SLC7A14: variants seen among roughly 807,000 people sequenced by gnomAD.
SLC7A14 encodes the protein gamma-aminobutyric acid transporter SLC7A14.
In SLC7A14, 37 loss-of-function variants were observed where a neutral mutation model predicts 60.2. That is an observed-to-expected ratio of 0.61 (90% confidence interval 0.47 to 0.81). The LOEUF is 0.81. SLC7A14 is among the 30% of genes least tolerant of loss of function. SLC7A14 has a pLI of 0.00. For missense variants in SLC7A14, 886 were observed against 982.7 expected, an observed-to-expected ratio of 0.90 and a Z score of 1.32; for synonymous variants, 399 against 395.8, an observed-to-expected ratio of 1.01 and a Z score of -0.10.
At position 170,532,142 on chromosome 3, in the gene SLC7A14, A is replaced by G. The variant is rs1447619289; in HGVS notation, c.-152-5054T>C. Among the ~76,000 whole-genome samples the G allele has an allele frequency of 1.3e-5, 2 of 152,316 alleles. No individual in the cohort carries two copies. The highest frequency in any genetic ancestry group is 6.5e-5 in the Admixed American group (1 of 15,302). ...GTAGTTGTCCAGCTTTTTCTGGAAC[A>G]TCTGGGCCGCAGGGAACATTGGCTG... is the stretch of plus-strand genomic sequence containing the variant. On this transcript the variant is annotated intron_variant, in intron 1 of 7. Coordinates refer to ENST00000231706, the MANE Select transcript of SLC7A14 (RefSeq NM_020949.3). The surrounding 1 kb of genome is among the most constrained non-coding windows in gnomAD (Gnocchi z 4.0).
intron 1 of SLC7A14, among the ~76,000 whole-genome samples, chr3:170,579,314 G>A (rs1277635381): frequency 3.9e-5 from 6 of 152,162 alleles, no homozygotes; most frequent in Admixed American, 2.0e-4. Context: ...ATAATATGTT[G>A]TATAATCTCT....
chr3:170,485,012 G>A (rs371083171), intron 5 of SLC7A14, among the ~76,000 whole-genome samples: 1 of 152,044 alleles, frequency 6.6e-6, no homozygotes, highest in Non-Finnish European at 1.5e-5. Flanking sequence ...TGTGTGATAA[G>A]GGCCCACTCC....
At chr3:170,486,168 G>T in intron 5 of SLC7A14, 54 bp downstream of exon 5, 1 of 1,600,360 alleles carries the variant, frequency 6.2e-7, no homozygotes, top group Non-Finnish European at 8.5e-7. Context: ...AGAGAAGGGA[G>T]CTCAGTGCCA....
chr3:170,578,351 T>A (rs1043996990), intron 1 of SLC7A14, among the ~76,000 whole-genome samples: 5 of 152,142 alleles, frequency 3.3e-5, no homozygotes, highest in Admixed American at 1.3e-4. Flanking sequence ...AGGACTGAAG[T>A]TCTATTCACC....
chr3:170,466,969 G>A lies in SLC7A14; in HGVS notation c.*86C>T. The A allele has an allele frequency of 8.5e-7, 1 of 1,173,460 alleles. No homozygotes were observed. Among genetic ancestry groups the A allele is most frequent in the Non-Finnish European group, 1.2e-6 (1 of 831,160 alleles). The allele number at this position is 1,173,460 out of a possible 1,614,324, so 72.7% of individuals were successfully genotyped here. A position where few individuals can be genotyped will look rare whatever the true frequency, so the allele number is the denominator to read the frequency against. ...GGGGAAGGCTGGATTTGTGAAATGA[G>A]AGCCAAAAAAGTTTTCACCTTCTAG... On this transcript the variant is annotated 3_prime_UTR_variant, in exon 8 of 8. Transcript: ENST00000231706.
chr3:170,569,361 C>T (rs1337096190), intron 1 of SLC7A14, among the ~76,000 whole-genome samples: 1 of 152,082 alleles, frequency 6.6e-6, no homozygotes, highest in Non-Finnish European at 1.5e-5. Context: ...GGGATGAAGC[C>T]CACATGATCA....
chr3:170,485,013 G>A (rs1711976931), intron 5 of SLC7A14, among the ~76,000 whole-genome samples: 1 of 152,052 alleles, frequency 6.6e-6, no homozygotes, highest in African/African-American at 2.4e-5. Flanking sequence ...GTGTGATAAG[G>A]GCCCACTCCT....
chr3:170,467,809 A>T (rs1307888324), intron 7 of SLC7A14, among the ~76,000 whole-genome samples: 1 of 152,202 alleles, frequency 6.6e-6, no homozygotes, highest in Non-Finnish European at 1.5e-5. Context: ...TGAACTATTT[A>T]TGGATCAGCA....
intron 1 of SLC7A14, among the ~76,000 whole-genome samples, chr3:170,571,371 A>G (rs1714950868): frequency 1.3e-5 from 2 of 152,052 alleles, no homozygotes; most frequent in South Asian, 4.2e-4. Flanking sequence ...TTCACAAACC[A>G]CTCACAGGAG....
intron 7 of SLC7A14, among the ~76,000 whole-genome samples, chr3:170,469,412 G>C (rs960687870): frequency 1.1e-4 from 16 of 152,074 alleles, no homozygotes; most frequent in African/African-American, 3.9e-4. Context: ...ATAAATCCTA[G>C]AGTTAATTAT....
At chr3:170,516,150 G>A (rs1379922863) in intron 2 of SLC7A14, among the ~76,000 whole-genome samples, 2 of 152,310 alleles carry the variant, frequency 1.3e-5, no homozygotes, top group East Asian at 3.9e-4. Flanking sequence ...ATTAAAATGT[G>A]CTCACCTTCT....
chr3:170,553,240 G>A (rs1158628738), intron 1 of SLC7A14, among the ~76,000 whole-genome samples: 2 of 152,152 alleles, frequency 1.3e-5, no homozygotes. Flanking sequence ...TATCATTAAG[G>A]TCAGTAAATT....
Position 170,460,035 on chromosome 3 carries a change from A to G in SLC7A14, c.*7020T>C, listed in dbSNP as rs547753947. Reference sequence around the variant, plus strand: ...GAAAATAAAACACATTTCATAATACATCTGCATATTATTTCTTTCTTCATG... The same window carrying G: ...GAAAATAAAACACATTTCATAATACGTCTGCATATTATTTCTTTCTTCATG... On this transcript the variant is annotated 3_prime_UTR_variant, in exon 8 of 8. Coordinates refer to ENST00000231706, the MANE Select transcript of SLC7A14 (RefSeq NM_020949.3). 6.6e-6 allele frequency: 1 copy of G among 152,362 alleles called. No homozygotes were observed. The highest frequency in any genetic ancestry group is 1.9e-4 in the East Asian group (1 of 5,194). 9.4% of individuals were successfully genotyped at this position (152,362 alleles called of 1,614,324 possible).
In SLC7A14 at chr3:170,585,874, G is replaced by C. The variant is rs1715372573; in HGVS notation, c.-153+37C>G. 2 of 152,486 alleles carry C rather than the reference G, an allele frequency of 1.3e-5. No individual in the cohort carries two copies. The allele number at this position is 152,486 out of a possible 1,614,324, so 9.4% of individuals were successfully genotyped here. ...CCCGCTGGGGCGCGGGGGGCGCGGAGGGGGACAAACGGCAGCGAAGGGGGC... is the reference window on the plus strand; with the variant it reads ...CCCGCTGGGGCGCGGGGGGCGCGGACGGGGACAAACGGCAGCGAAGGGGGC... On this transcript the variant is annotated intron_variant, in intron 1 of 7. Coordinates refer to ENST00000231706, the MANE Select transcript of SLC7A14 (RefSeq NM_020949.3). This position sits in a 1 kb window ranked among gnomAD's most constrained non-coding sequence, Gnocchi z 5.1.
chr3:170,584,685 A>G (rs546080487), intron 1 of SLC7A14, among the ~76,000 whole-genome samples: 8 of 152,270 alleles, frequency 5.3e-5, no homozygotes, highest in Admixed American at 1.3e-4. Flanking sequence ...TGGCGGTATT[A>G]GCACCCAGCC....
intron 1 of SLC7A14, among the ~76,000 whole-genome samples, chr3:170,561,501 T>C (rs981351175): frequency 6.6e-6 from 1 of 152,222 alleles, no homozygotes; most frequent in Non-Finnish European, 1.5e-5. Context: ...TTTAGACATA[T>C]CATTCTACGT....
intron 1 of SLC7A14, among the ~76,000 whole-genome samples, chr3:170,574,535 G>A (rs1174480810): frequency 2.6e-5 from 4 of 152,122 alleles, no homozygotes; most frequent in African/African-American, 9.7e-5. Flanking sequence ...TTCTTCCTGA[G>A]CACACTGTTT....
chr3:170,496,806 C>G (rs1212544785), intron 4 of SLC7A14, among the ~76,000 whole-genome samples: 2 of 152,212 alleles, frequency 1.3e-5, no homozygotes, highest in East Asian at 1.9e-4. Flanking sequence ...CCGGCTCCGC[C>G]AGGGCCATGG....
intron 2 of SLC7A14, among the ~76,000 whole-genome samples, chr3:170,506,745 C>A (rs974526241): frequency 6.6e-6 from 1 of 152,196 alleles, no homozygotes; most frequent in Admixed American, 6.5e-5. Flanking sequence ...GAGTCACTTG[C>A]AGCCTACCCG....
Sources: gnomAD v4.1 joint callset for allele counts (sites outside exome capture counted in the v4.1 genomes callset) on GRCh38, gnomAD v4.1.1 for gene constraint, Gnocchi (gnomAD v3.1) non-coding constraint, MANE v1.5 for transcripts, NCBI Gene and HGNC (gene_info 2026-07-23, HGNC 2026-07-21) for gene names.